The following LPA variants were observed in gnomAD, a reference collection of about 807,000 sequenced individuals.
LPA encodes the protein apolipoprotein(a).
Under a neutral mutation model 197.9 loss-of-function variants are expected in LPA, and 199 were observed. The observed-to-expected ratio is 1.01, with a 90% CI of 0.90 to 1.13. The LOEUF is 1.13. LPA is among the 50% of genes most tolerant of loss of function. LPA has a pLI of 0.00. For synonymous variants in LPA, 715 were observed against 639.5 expected, an observed-to-expected ratio of 1.12 and a Z score of -1.78; for missense variants, 1,853 against 1,785.8, an observed-to-expected ratio of 1.04 and a Z score of -0.68.
At position 160,537,929 on chromosome 6, in the gene LPA, GC is replaced by G. The variant is rs1327511766; in HGVS notation, c.5767del (p.Ala1923LeufsTer114). ...PAVITDKVMPACLPSPDYMVT... is the reference protein window; with the variant it reads ...PAVITDKVMPXCLPSPDYMVT... ...CATGTAGTCTGGGGATGGCAGACAA[GC>G]TGGCATTACTTTGTCAGTGATGACG... On this transcript the variant is annotated frameshift_variant, in exon 37 of 39. Transcript: ENST00000316300. LOFTEE classifies it high-confidence loss of function. 23 of 1,614,128 alleles carry G rather than the reference GC, an allele frequency of 1.4e-5. No individual in the cohort carries two copies. The highest frequency in any genetic ancestry group is 4.2e-6 in the Non-Finnish European group (5 of 1,180,036).
At chr6:160,658,040 C>T (rs1780161067) in intron 1 of LPA, among the ~76,000 whole-genome samples, 1 of 152,104 alleles carries the variant, frequency 6.6e-6, no homozygotes, top group South Asian at 2.1e-4. Flanking sequence ...TGGCAGCTGC[C>T]TCAGGGAAGG....
At chr6:160,558,207 C>T (rs1011992454) in intron 28 of LPA, among the ~76,000 whole-genome samples, 2 of 152,160 alleles carry the variant, frequency 1.3e-5, no homozygotes, top group African/African-American at 4.8e-5. Flanking sequence ...GTGTGAGCCA[C>T]TGCGCCTGGC....
chr6:160,651,131 A>C (rs1779998267), intron 1 of LPA, among the ~76,000 whole-genome samples: 1 of 152,178 alleles, frequency 6.6e-6, no homozygotes. Flanking sequence ...CCACAGGTTC[A>C]AGTTCCATCC....
Position 160,548,631 on chromosome 6 carries a change from G to C in LPA, c.5002C>G (p.Pro1668Ala), listed in dbSNP as rs181994292. The change falls in exon 31 of 39, where the codon CCA becomes GCA. Residue 1668 changes from proline to alanine, a missense_variant. By Grantham distance (27) the Pro-to-Ala change is conservative (BLOSUM62 -1). Coordinates refer to ENST00000316300, the MANE Select transcript of LPA (RefSeq NM_005577.4). ...DGLTMNYCRNPDADTGPWCFT... is the reference protein window; with the variant it reads ...DGLTMNYCRNADADTGPWCFT... ...CACCAAGGGCCTGTATCGGCATCTG[G>C]ATTCCTGCAGTAGTTCATTGTCAGG... 6.2e-7 allele frequency: 1 copy of C among 1,614,102 alleles called. No individual in the cohort carries two copies. Among genetic ancestry groups the C allele is most frequent in the South Asian group, 1.1e-5 (1 of 91,076 alleles).
At chr6:160,555,298 T>TTA (rs1265176786) in intron 30 of LPA, among the ~76,000 whole-genome samples, 42 of 138,574 alleles carry the variant, frequency 3.0e-4, no homozygotes, top group African/African-American at 1.1e-3. Flanking sequence ...TATGTTAGTG[T>TTA]GTGTGTGTGT....
chr6:160,575,765 A>G (rs6923877), intron 28 of LPA, among the ~76,000 whole-genome samples: 61,607 of 151,964 alleles, frequency 0.41, 13,227 homozygotes, highest in African/African-American at 0.56. Context: ...CCTTGTAGTT[A>G]TTCTTTCCCC....
intron 16 of LPA, among the ~76,000 whole-genome samples, chr6:160,608,509 T>C (rs1324926359): frequency 6.6e-6 from 1 of 152,172 alleles, no homozygotes; most frequent in Non-Finnish European, 1.5e-5. Context: ...CAGTTTCTCA[T>C]AAGAAGTTTC....
At chr6:160,578,139 G>A (rs1778719255) in intron 27 of LPA, among the ~76,000 whole-genome samples, 1 of 152,128 alleles carries the variant, frequency 6.6e-6, no homozygotes, top group African/African-American at 2.4e-5. Context: ...ACTGCAAACT[G>A]TAGATTGCAA....
chr6:160,565,255 A>G (rs1268791434), intron 28 of LPA, among the ~76,000 whole-genome samples: 1 of 152,170 alleles, frequency 6.6e-6, no homozygotes, highest in Non-Finnish European at 1.5e-5. Flanking sequence ...CGAGTAGCCT[A>G]ACTGGGGGAC....
chr6:160,584,619 A>G (rs1327509999), intron 26 of LPA, among the ~76,000 whole-genome samples: 3 of 152,100 alleles, frequency 2.0e-5, no homozygotes, highest in Non-Finnish European at 4.4e-5. Context: ...GGCCTGAGCC[A>G]CTGCACCCAG....
At chr6:160,597,456 G>C (rs1435142600) in intron 20 of LPA, among the ~76,000 whole-genome samples, 1 of 152,200 alleles carries the variant, frequency 6.6e-6, no homozygotes, top group Non-Finnish European at 1.5e-5. Flanking sequence ...ATTCACACCT[G>C]TGTGGGTGTG....
rs868166601 is a variant in LPA at position 160,543,013 on chromosome 6, T to G, written c.5399-205A>C. ...AGGACACTCTCCTTTCAAGGAAATA[T>G]AAGTTCTTTCTAAACCATGTAAAGT... On this transcript the variant is annotated intron_variant, in intron 33 of 38. Coordinates refer to ENST00000316300, the MANE Select transcript of LPA (RefSeq NM_005577.4). Among the ~76,000 whole-genome samples, 5 of 152,238 alleles carry G rather than the reference T, an allele frequency of 3.3e-5. No individual in the cohort carries two copies. In the South Asian group the frequency reaches 1.0e-3, roughly 32 times the overall value.
intron 34 of LPA, 58 bp downstream of exon 34, chr6:160,542,630 G>A: frequency 6.2e-7 from 1 of 1,609,560 alleles, no homozygotes; most frequent in Non-Finnish European, 8.5e-7. Context: ...AAATGTAGAA[G>A]GGTTTTGTGG....
intron 28 of LPA, among the ~76,000 whole-genome samples, chr6:160,566,957 A>T (rs963854861): frequency 4.6e-5 from 7 of 152,348 alleles, no homozygotes; most frequent in Non-Finnish European, 1.0e-4. Flanking sequence ...TCCTAAATAT[A>T]TATGCACCCA....
At chr6:160,548,719 C>G in intron 30 of LPA, 60 bp from the exon 31 acceptor site, 1 of 1,552,806 alleles carries the variant, frequency 6.4e-7, no homozygotes, top group Non-Finnish European at 8.9e-7. Context: ...GGACATCCAG[C>G]ACCCTCTACA....
In LPA at chr6:160,653,949, ATTATATAT is replaced by A. The variant is rs1780052758; in HGVS notation, c.50-3460_50-3453del. On this transcript the variant is annotated intron_variant, in intron 1 of 38. Transcript: ENST00000316300. ...TAGGATATATATATATTTTATATATATTATATATAATATATATTATATATAATATATAA... is the reference window on the plus strand; with the variant it reads ...TAGGATATATATATATTTTATATATAAATATATATTATATATAATATATAA... 7.0e-5 allele frequency among the ~76,000 whole-genome samples: 3 copies of A among 43,138 alleles called. 1 individual carries two copies. In the Admixed American group the frequency reaches 1.3e-3, roughly 19 times the overall value. The allele number at this position is 43,138 out of a possible 152,430, so 28.3% of individuals were successfully genotyped here.
rs376826896 is a variant in LPA, at chr6:160,601,147, G to A, written c.2946-49C>T. 158 of 1,550,304 alleles carry A rather than the reference G, an allele frequency of 1.0e-4. 1 individual carries two copies. The highest frequency in any genetic ancestry group is 1.4e-4 in the Non-Finnish European group (154 of 1,122,288). On this transcript the variant is annotated intron_variant, in intron 18 of 38. Coordinates refer to ENST00000316300, the MANE Select transcript of LPA (RefSeq NM_005577.4). ...ATCACAAAAAATGGGTACATATGCA[G>A]GAACACTGTATATTTTGCTACAACA...
intron 1 of LPA, 135 bp from the exon 2 acceptor site, chr6:160,650,632 A>T: frequency 1.2e-6 from 1 of 805,588 alleles, no homozygotes. Context: ...AGGCAGACAG[A>T]CGTGCAAAAA....
chr6:160,569,624 T>C (rs986114465), intron 28 of LPA, among the ~76,000 whole-genome samples: 3 of 152,046 alleles, frequency 2.0e-5, no homozygotes, highest in African/African-American at 7.2e-5. Flanking sequence ...AAGCCAAAAT[T>C]GACCAATGGG....
Sources: gnomAD v4.1 joint callset for allele counts (sites outside exome capture counted in the v4.1 genomes callset) on GRCh38, gnomAD v4.1.1 for gene constraint, MANE v1.5 for transcripts, NCBI Gene and HGNC (gene_info 2026-07-23, HGNC 2026-07-21) for gene names.